The following PRKCE variants were observed in gnomAD, a reference collection of about 807,000 sequenced individuals.
PRKCE encodes protein kinase C epsilon.
Under a neutral mutation model 85.4 loss-of-function variants are expected in PRKCE, and 16 were observed. That is an observed-to-expected ratio of 0.19 (90% CI 0.13 to 0.28). The LOEUF (loss-of-function observed/expected upper bound fraction) is 0.28. PRKCE is among the 10% of genes least tolerant of loss of function. The pLI is 1.00. For synonymous variants in PRKCE, 388 were observed against 371.5 expected (o/e 1.04, Z -0.51); for missense variants, 573 against 975.2 (o/e 0.59, Z 5.49).
intron 10 of PRKCE, among the ~76,000 whole-genome samples, chr2:46,012,808 A>G (rs1373527216): frequency 6.6e-6 from 1 of 152,224 alleles, no homozygotes; most frequent in Non-Finnish European, 1.5e-5. Flanking sequence ...AAGGCTAAGG[A>G]TTCCTCATCA....
At chr2:45,925,232 C>T (rs1558841356) in intron 2 of PRKCE, among the ~76,000 whole-genome samples, 1 of 152,108 alleles carries the variant, frequency 6.6e-6, no homozygotes, top group African/African-American at 2.4e-5. Context: ...TCCTAAAGGC[C>T]CTGTGGACAA....
intron 2 of PRKCE, among the ~76,000 whole-genome samples, chr2:45,847,233 T>G (rs1452272185): frequency 1.3e-5 from 2 of 152,240 alleles, no homozygotes; most frequent in Non-Finnish European, 2.9e-5. Flanking sequence ...CCGTGGCCCT[T>G]AATGCTAGAG....
intron 1 of PRKCE, among the ~76,000 whole-genome samples, chr2:45,767,826 C>G (rs993264558): frequency 6.6e-6 from 1 of 152,204 alleles, no homozygotes; most frequent in African/African-American, 2.4e-5. Context: ...AGACTTCCAC[C>G]ACCCTTCACA....
intron 2 of PRKCE, among the ~76,000 whole-genome samples, chr2:45,893,499 C>T (rs1389524209): frequency 6.6e-6 from 1 of 152,052 alleles, no homozygotes; most frequent in Non-Finnish European, 1.5e-5. Context: ...TCCTGAGTAG[C>T]TGGGATTACA....
At chr2:46,046,226 C>T (rs1198784575) in intron 10 of PRKCE, among the ~76,000 whole-genome samples, 2 of 152,234 alleles carry the variant, frequency 1.3e-5, no homozygotes, top group Non-Finnish European at 2.9e-5. Context: ...ATCCTTTGTT[C>T]AGAGTAAATC....
chr2:45,673,851 C>G (rs1414720725), intron 1 of PRKCE, among the ~76,000 whole-genome samples: 1 of 152,154 alleles, frequency 6.6e-6, no homozygotes, highest in African/African-American at 2.4e-5. Context: ...AGTAGCAAAG[C>G]CAATATCATG....
At chr2:45,723,032 C>G (rs1680749105) in intron 1 of PRKCE, among the ~76,000 whole-genome samples, 1 of 152,288 alleles carries the variant, frequency 6.6e-6, no homozygotes, top group East Asian at 1.9e-4. Flanking sequence ...ACCCAGGAGG[C>G]AGACGTTGCA....
intron 13 of PRKCE, among the ~76,000 whole-genome samples, chr2:46,158,521 G>A (rs1677438757): frequency 6.6e-6 from 1 of 152,156 alleles, no homozygotes; most frequent in Admixed American, 6.5e-5. Context: ...ATCTGGGGCT[G>A]CCCCCTCCAA....
intron 10 of PRKCE, among the ~76,000 whole-genome samples, chr2:46,031,413 C>T (rs116233421): frequency 0.024 from 3,693 of 152,308 alleles, 52 homozygotes; most frequent in Middle Eastern, 0.051. Context: ...GCCTCTTCCA[C>T]AAACCCTTCA....
At chr2:45,867,937 C>T (rs1031357021) in intron 2 of PRKCE, among the ~76,000 whole-genome samples, 10 of 152,108 alleles carry the variant, frequency 6.6e-5, no homozygotes, top group Admixed American at 1.3e-4. Context: ...GGCTCCTGAA[C>T]GTCTCACTAG....
chr2:46,150,905 A>T, intron 12 of PRKCE, 136 bp from the exon 13 acceptor site: 1 of 704,686 alleles, frequency 1.4e-6, no homozygotes, highest in Non-Finnish European at 2.2e-6. Context: ...TTGCTGATTT[A>T]GAACTTCTAG....
intron 10 of PRKCE, among the ~76,000 whole-genome samples, chr2:46,074,428 C>CCAAAAAAAAAAAAAAAAAAAAAAAA (rs1558423487): frequency 1.9e-4 from 5 of 26,682 alleles, no homozygotes; most frequent in East Asian, 1.7e-3. Flanking sequence ...ACAACAACAA[C>CCAAAAAAAAAAAAAAAAAAAAAAAA]CAAAAAAAAA....
chr2:46,037,326 T>C (rs1238916098), intron 10 of PRKCE, among the ~76,000 whole-genome samples: 2 of 152,198 alleles, frequency 1.3e-5, no homozygotes, highest in Non-Finnish European at 2.9e-5. Flanking sequence ...AAACTCCAAG[T>C]CAGGCCTATC....
chr2:46,157,257 A>G (rs1444120515), intron 13 of PRKCE, among the ~76,000 whole-genome samples: 1 of 152,166 alleles, frequency 6.6e-6, no homozygotes, highest in Non-Finnish European at 1.5e-5. Context: ...CCACCAGAAC[A>G]CCATGCCCAG....
intron 11 of PRKCE, among the ~76,000 whole-genome samples, chr2:46,103,291 A>G (rs866647876): frequency 6.6e-6 from 1 of 152,208 alleles, no homozygotes; most frequent in East Asian, 1.9e-4. Context: ...ACTTTCTGGT[A>G]TTACAAAATG....
At chr2:46,000,668 T>G (rs182479872) in intron 6 of PRKCE, among the ~76,000 whole-genome samples, 351 of 151,980 alleles carry the variant, frequency 2.3e-3, no homozygotes, top group South Asian at 3.3e-3. Flanking sequence ...CTCAACTGAA[T>G]GTACAAAAGT....
At position 46,084,547 on chromosome 2, in the gene PRKCE, C is replaced by T. The variant is rs190194631; in HGVS notation, c.1438-1661C>T. ...GACCATCCTGGCCAACATGGTGAAA[C>T]GCCATCTCTACTAAAAATAAAAAAA... On this transcript the variant is annotated intron_variant, in intron 10 of 14. Coordinates refer to ENST00000306156, the MANE Select transcript of PRKCE (RefSeq NM_005400.3). Among the ~76,000 whole-genome samples the T allele has an allele frequency of 5.9e-5, 9 of 152,062 alleles. No individual in the cohort carries two copies. In the East Asian group the frequency reaches 9.7e-4, roughly 16 times the overall value.
chr2:45,850,996 G>C (rs185783061), intron 2 of PRKCE, among the ~76,000 whole-genome samples: 3 of 152,210 alleles, frequency 2.0e-5, no homozygotes, highest in African/African-American at 4.8e-5. Context: ...AAGCATCATC[G>C]TGTGCTTTAG....
chr2:45,676,054 C>T (rs895684425), intron 1 of PRKCE: 1 of 152,210 alleles, frequency 6.6e-6, no homozygotes, highest in Admixed American at 6.5e-5. Flanking sequence ...CAATGCTTGA[C>T]TTGTTTTTTT....
Sources: allele counts gnomAD v4.1 joint callset (sites outside exome capture counted in the v4.1 genomes callset), GRCh38; gene constraint gnomAD v4.1.1; transcripts MANE v1.5; gene names NCBI Gene and HGNC (gene_info 2026-07-23, HGNC 2026-07-21).